The following LARP4B variants were observed in gnomAD, a reference collection of about 807,000 sequenced individuals.
The protein encoded by LARP4B is La ribonucleoprotein 4B.
A neutral mutation model predicts 89.8 loss-of-function variants in LARP4B; 12 were observed. That is an observed-to-expected ratio of 0.13 (90% CI 0.09 to 0.22). The LOEUF (loss-of-function observed/expected upper bound fraction) is 0.22, where lower values mean the gene tolerates loss of function less well. Ranked by LOEUF, LARP4B falls within the 10% of genes least tolerant of loss-of-function variation. The pLI is 1.00. For missense variants in LARP4B, 757 were observed against 947.7 expected, an observed-to-expected ratio of 0.80 and a Z score of 2.64; for synonymous variants, 367 against 363.3, an observed-to-expected ratio of 1.01 and a Z score of -0.12.
At chr10:887,639 A>C (rs1835898414) in intron 1 of LARP4B, among the ~76,000 whole-genome samples, 1 of 152,062 alleles carries the variant, frequency 6.6e-6, no homozygotes, top group Non-Finnish European at 1.5e-5. Flanking sequence ...TCAACCTGGG[A>C]GGCAGAGGTT....
chr10:862,637 G>A (rs1445007445), intron 5 of LARP4B, among the ~76,000 whole-genome samples: 2 of 152,152 alleles, frequency 1.3e-5, no homozygotes, highest in Non-Finnish European at 2.9e-5. Context: ...GCAGACGCCT[G>A]TAGTCCCAGC....
rs148485198 is a variant in LARP4B at position 912,999 on chromosome 10, T to C, written c.-40+18429A>G. Among the ~76,000 whole-genome samples the C allele has an allele frequency of 7.4e-3, 1,129 of 152,338 alleles. 13 individuals are homozygous for C. Among genetic ancestry groups the C allele is most frequent in the Middle Eastern group, 6.8e-3 (2 of 292 alleles). On this transcript the variant is annotated intron_variant, in intron 1 of 17. Transcript: ENST00000316157. ...ATAAACTTTTACAATGAAAAAAACA[T>C]TGGCTTAAAGTTTACAGAGCAAACC...
intron 5 of LARP4B, among the ~76,000 whole-genome samples, chr10:860,460 C>T (rs1834542706): frequency 1.3e-5 from 2 of 152,150 alleles, no homozygotes. Flanking sequence ...TCCAGCTACT[C>T]CATTCCTAGG....
chr10:956,705 C>T, the LARP4B span, among the ~76,000 whole-genome samples: 3 of 152,132 alleles, frequency 2.0e-5, no homozygotes, highest in East Asian at 1.9e-4. This position sits in a 1 kb window ranked among gnomAD's most constrained non-coding sequence, Gnocchi z 4.3. Context: ...AAGCAGTTTC[C>T]GACTGGACTG....
the LARP4B span, chr10:971,238 A>G: frequency 6.6e-6 from 1 of 152,166 alleles, no homozygotes; most frequent in Non-Finnish European, 1.5e-5. Context: ...TTTTTGTGAC[A>G]TGCTTATAAA....
At chr10:977,559 A>AAG in the LARP4B span, among the ~76,000 whole-genome samples, 411 of 151,614 alleles carry the variant, frequency 2.7e-3, 2 homozygotes, top group African/African-American at 9.5e-3. Flanking sequence ...AAAAAAAAAA[A>AAG]AGAGAGAGAG....
chr10:850,225 A>T (rs949705700), intron 5 of LARP4B, among the ~76,000 whole-genome samples: 5 of 152,250 alleles, frequency 3.3e-5, no homozygotes, highest in African/African-American at 1.2e-4. Context: ...TTACCACACT[A>T]AATGTTAACG....
At chr10:935,941 A>T (rs12359645), upstream of LARP4B, among the ~76,000 whole-genome samples, 24,373 of 150,272 alleles carry the variant, frequency 0.16, 2,409 homozygotes, top group Non-Finnish European at 0.23. Context: ...TCAGGGTTTC[A>T]CCATGTTGGT....
chr10:970,667 G>C, the LARP4B span, among the ~76,000 whole-genome samples: 38 of 152,290 alleles, frequency 2.5e-4, no homozygotes, highest in Non-Finnish European at 5.1e-4. Context: ...AGCCGTGTCA[G>C]CTTTGATTGC....
intron 1 of LARP4B, among the ~76,000 whole-genome samples, chr10:914,726 G>A (rs998181783): frequency 1.4e-5 from 2 of 144,226 alleles, no homozygotes; most frequent in South Asian, 2.3e-4. Context: ...ACCGAGACCC[G>A]GGAGGCGGAC....
chr10:845,098 T>C (rs762702460), intron 5 of LARP4B, 43 bp from the exon 6 acceptor site: 4 of 1,462,702 alleles, frequency 2.7e-6, no homozygotes, highest in Non-Finnish European at 3.8e-6. Flanking sequence ...CGGCTTAAAA[T>C]TTAGGAAGCA....
chr10:891,801 T>C (rs1836030494), intron 1 of LARP4B, among the ~76,000 whole-genome samples: 1 of 152,346 alleles, frequency 6.6e-6, no homozygotes, highest in Non-Finnish European at 1.5e-5. Flanking sequence ...AAAAGGCTTA[T>C]AAAGTTTTCC....
upstream of LARP4B, among the ~76,000 whole-genome samples, chr10:936,046 C>T (rs911610022): frequency 6.6e-6 from 1 of 151,998 alleles, no homozygotes; most frequent in Non-Finnish European, 1.5e-5. Context: ...TATTTTATCC[C>T]GAAGCATTTT....
At chr10:877,914 C>T (rs948951613) in intron 3 of LARP4B, among the ~76,000 whole-genome samples, 5 of 152,210 alleles carry the variant, frequency 3.3e-5, no homozygotes, top group Non-Finnish European at 2.9e-5. Context: ...TTAGAAGGTG[C>T]TAACTGCTAC....
At chr10:821,032 G>A in intron 13 of LARP4B, 187 bp from the exon 14 acceptor site, 1 of 587,326 alleles carries the variant, frequency 1.7e-6, no homozygotes, top group South Asian at 2.1e-5. Context: ...ACACAAAGTT[G>A]ACAGCAAGGG....
At chr10:852,478 C>G (rs1184435860) in intron 5 of LARP4B, among the ~76,000 whole-genome samples, 2 of 152,210 alleles carry the variant, frequency 1.3e-5, no homozygotes, top group Non-Finnish European at 2.9e-5. Context: ...AAGAGTGCCT[C>G]ATCAACATAT....
chr10:839,678 C>G (rs573276449), intron 7 of LARP4B, among the ~76,000 whole-genome samples: 7 of 152,332 alleles, frequency 4.6e-5, no homozygotes, highest in Non-Finnish European at 1.0e-4. Flanking sequence ...AACTGGAGCT[C>G]TCATCCCTGC....
chr10:921,956 G>A (rs980185879), intron 1 of LARP4B, among the ~76,000 whole-genome samples: 2 of 152,162 alleles, frequency 1.3e-5, no homozygotes, highest in African/African-American at 4.8e-5. Context: ...AACTATTGCT[G>A]ATTCATCAGT....
the LARP4B span, chr10:987,598 G>C: frequency 6.6e-6 from 1 of 152,154 alleles, no homozygotes; most frequent in African/African-American, 2.4e-5. Context: ...TTAATATATA[G>C]TCAGCAGCTC....
Sources: allele counts gnomAD v4.1 joint callset (sites outside exome capture counted in the v4.1 genomes callset), GRCh38; gene constraint gnomAD v4.1.1; non-coding constraint Gnocchi (gnomAD v3.1); transcripts MANE v1.5; gene names NCBI Gene and HGNC (gene_info 2026-07-23, HGNC 2026-07-21).